Variants in PCDHAC1 observed in about 807,000 individuals in gnomAD.
The protein encoded by PCDHAC1 is protocadherin alpha subfamily C, 1, also known as protocadherin alpha-C1.
PCDHAC1 carries 42 observed loss-of-function variants against 60.0 expected under a neutral mutation model. The ratio of observed to expected loss-of-function variants is 0.70; its 90% confidence interval spans 0.55 to 0.90. The LOEUF (loss-of-function observed/expected upper bound fraction) is 0.90. Ranked by LOEUF, PCDHAC1 falls within the 40% of genes least tolerant of loss-of-function variation. PCDHAC1 has a pLI of 0.00. For synonymous variants in PCDHAC1, 468 were observed against 499.3 expected, an observed-to-expected ratio of 0.94 and a Z score of 0.84; for missense variants, 1,160 against 1,222.3, an observed-to-expected ratio of 0.95 and a Z score of 0.76.
At chr5:140,951,597 C>T (rs1445745403) in intron 1 of PCDHAC1, among the ~76,000 whole-genome samples, 1 of 152,098 alleles carries the variant, frequency 6.6e-6, no homozygotes, top group East Asian at 1.9e-4. Flanking sequence ...ATCTCTCTCA[C>T]TGTTATGAGA....
intron 3 of PCDHAC1, among the ~76,000 whole-genome samples, chr5:140,993,787 A>AT (rs1554253947): frequency 6.6e-6 from 1 of 152,196 alleles, no homozygotes; most frequent in Non-Finnish European, 1.5e-5. Context: ...GTACAGTAAC[A>AT]TGCTGTGCAG....
intron 3 of PCDHAC1, among the ~76,000 whole-genome samples, chr5:140,987,510 C>A (rs1225122300): frequency 6.6e-6 from 1 of 152,184 alleles, no homozygotes; most frequent in Non-Finnish European, 1.5e-5. Flanking sequence ...ACCTCTGCCA[C>A]TCAGTAATTG....
At chr5:140,977,815 G>C (rs2096776039) in intron 1 of PCDHAC1, among the ~76,000 whole-genome samples, 1 of 152,208 alleles carries the variant, frequency 6.6e-6, no homozygotes, top group Non-Finnish European at 1.5e-5. Context: ...ATTATTGACA[G>C]TTTTGAATGG....
chr5:140,982,765 C>T (rs1345701735), intron 3 of PCDHAC1, among the ~76,000 whole-genome samples: 2 of 151,722 alleles, frequency 1.3e-5, no homozygotes, highest in African/African-American at 2.4e-5. Flanking sequence ...AAAAGGATAA[C>T]AAGGAAAGTG....
intron 3 of PCDHAC1, among the ~76,000 whole-genome samples, chr5:140,999,585 G>C (rs1240906342): frequency 6.6e-6 from 1 of 152,152 alleles, no homozygotes; most frequent in Non-Finnish European, 1.5e-5. Flanking sequence ...AAGGGAAATT[G>C]CCTTCCCTAC....
At chr5:141,009,500 A>G (rs2098409925) in intron 3 of PCDHAC1, 127 bp from the exon 4 acceptor site, 2 of 1,494,658 alleles carry the variant, frequency 1.3e-6, no homozygotes, top group Non-Finnish European at 1.8e-6. Flanking sequence ...TCAGACTTGA[A>G]CAAACAACTC....
At chr5:140,941,048 T>C (rs1157859382) in intron 1 of PCDHAC1, among the ~76,000 whole-genome samples, 1 of 152,138 alleles carries the variant, frequency 6.6e-6, no homozygotes, top group African/African-American at 2.4e-5. Context: ...CAAGTCAAAT[T>C]CCCCAGCAGT....
At chr5:140,946,077 C>T (rs246055) in intron 1 of PCDHAC1, among the ~76,000 whole-genome samples, 85,716 of 151,878 alleles carry the variant, frequency 0.56, 24,786 homozygotes, top group African/African-American at 0.69. Context: ...TTGCAAACCA[C>T]AGATCTGATA....
chr5:140,969,210 C>T, intron 1 of PCDHAC1: 10 of 1,614,184 alleles, frequency 6.2e-6, no homozygotes, highest in Non-Finnish European at 8.5e-6. Flanking sequence ...GGGGCCCAGA[C>T]AGGACCAGGG....
At chr5:140,986,940 G>A (rs1371744170) in intron 3 of PCDHAC1, among the ~76,000 whole-genome samples, 1 of 152,280 alleles carries the variant, frequency 6.6e-6, no homozygotes, top group South Asian at 2.1e-4. Flanking sequence ...GAGGCTGGGT[G>A]TGGTCGCTCA....
chr5:140,968,095 TGGG>T (rs1554230332), intron 1 of PCDHAC1: 1 of 1,613,884 alleles, frequency 6.2e-7, no homozygotes, highest in African/African-American at 1.3e-5. Flanking sequence ...CAGCCACAGA[TGGG>T]GGAATACCGC....
At chr5:140,937,399 T>C (rs2091517737) in intron 1 of PCDHAC1, among the ~76,000 whole-genome samples, 1 of 152,226 alleles carries the variant, frequency 6.6e-6, no homozygotes, top group African/African-American at 2.4e-5. Context: ...TATAGGGGTA[T>C]TGCACAACTT....
chr5:140,975,058 C>T (rs1016137596), intron 1 of PCDHAC1, among the ~76,000 whole-genome samples: 34 of 152,090 alleles, frequency 2.2e-4, no homozygotes, highest in African/African-American at 8.2e-4. Context: ...AATCTACTAT[C>T]GAGCTCATTC....
In PCDHAC1 at chr5:140,938,408, G is replaced by A. The variant is rs115039361; in HGVS notation, c.2433+9083G>A. Among the ~76,000 whole-genome samples, 826 of 151,992 alleles carry A rather than the reference G, an allele frequency of 5.4e-3. 3 individuals are homozygous for A. The highest frequency in any genetic ancestry group is 0.019 in the African/African-American group (797 of 41,474). ...TAATATGAAATACATTGTTTGATTG[G>A]GTTTATTTGCAAAAATCCTTTATCA... On this transcript the variant is annotated intron_variant, in intron 1 of 3. Coordinates refer to ENST00000253807, the MANE Select transcript of PCDHAC1 (RefSeq NM_018898.5).
At chr5:140,944,566 A>G (rs782290531) in intron 1 of PCDHAC1, among the ~76,000 whole-genome samples, 37 of 152,182 alleles carry the variant, frequency 2.4e-4, no homozygotes, top group African/African-American at 7.5e-4. Context: ...CTGGCAACTT[A>G]CTGTAGAGAT....
intron 3 of PCDHAC1, among the ~76,000 whole-genome samples, chr5:141,000,713 C>G (rs570396356): frequency 6.6e-6 from 1 of 151,652 alleles, no homozygotes; most frequent in Non-Finnish European, 1.5e-5. Context: ...CAGGCATGAG[C>G]CACTGTGCCT....
chr5:140,974,751 G>A (rs530548991), intron 1 of PCDHAC1, among the ~76,000 whole-genome samples: 11 of 152,284 alleles, frequency 7.2e-5, no homozygotes, highest in African/African-American at 2.4e-4. Flanking sequence ...GCCTCCCAAA[G>A]TGCTGGGATT....
chr5:140,996,557 T>C (rs1200836194), intron 3 of PCDHAC1, among the ~76,000 whole-genome samples: 3 of 152,226 alleles, frequency 2.0e-5, no homozygotes, highest in Admixed American at 6.5e-5. Context: ...GTCACTATCT[T>C]GAAGTTCTTG....
intron 1 of PCDHAC1, chr5:140,966,420 G>C (rs2096000872): frequency 2.4e-6 from 1 of 421,302 alleles, no homozygotes; most frequent in South Asian, 1.0e-4. Flanking sequence ...AGCAGGACTT[G>C]CTGAGCCCTC....
Sources: allele counts gnomAD v4.1 joint callset (sites outside exome capture counted in the v4.1 genomes callset), GRCh38; gene constraint gnomAD v4.1.1; transcripts MANE v1.5; gene names NCBI Gene and HGNC (gene_info 2026-07-23, HGNC 2026-07-21).